The following BSG variants were observed in gnomAD, a reference collection of about 807,000 sequenced individuals.
BSG encodes the protein basigin.
A neutral mutation model predicts 43.1 loss-of-function variants in BSG; 37 were observed. The ratio of observed to expected loss-of-function variants is 0.86; its 90% CI spans 0.66 to 1.13. The LOEUF is 1.13. Among genes scored for constraint, BSG ranks in the 50% most tolerant of loss-of-function variants. BSG has a pLI of 0.00. For missense variants in BSG, 599 were observed against 554.2 expected (o/e 1.08, Z -0.81); for synonymous variants, 309 against 238.7 (o/e 1.29, Z -2.72).
intron 4 of BSG, 69 bp from the exon 5 acceptor site, chr19:580,577 C>T (rs1019925354): frequency 1.2e-6 from 2 of 1,606,980 alleles, no homozygotes; most frequent in East Asian, 2.2e-5. Context: ...GGGAACAGCC[C>T]TCCTGCGGGA....
chr19:580,576 C>A (rs1982200644), intron 4 of BSG, 70 bp from the exon 5 acceptor site: 1 of 1,606,768 alleles, frequency 6.2e-7, no homozygotes, highest in Non-Finnish European at 8.5e-7. Context: ...GGGGAACAGC[C>A]CTCCTGCGGG....
Position 580,677 on chromosome 19 carries a change from A to G in BSG, c.687A>G (p.Ser229=), listed in dbSNP as rs755018919. ...CCAGAGTGAAGGCTGTGAAGTCGTC[A>G]GAACACATCAACGAGGGGGAGACGG... The part of the protein sequence containing the change: ...GPPRVKAVKS[S]EHINEGETAM... Residue 229 remains serine (S), a synonymous_variant, in exon 5 of 9, where the codon TCA becomes TCG. Coordinates refer to ENST00000333511, the MANE Select transcript of BSG (RefSeq NM_001728.4). 1.9e-5 allele frequency: 31 copies of G among 1,612,750 alleles called. No homozygotes were observed. The Admixed American group carries it at 3.8e-4, about 20-fold the overall frequency.
At chr19:571,357 A>G, upstream of BSG, 1 of 601,514 alleles carries the variant, frequency 1.7e-6, no homozygotes, top group Non-Finnish European at 3.0e-6. Context: ...TTGCATTGCG[A>G]CTCCGAGTTT....
At chr19:581,633 G>A (rs3764937) in intron 6 of BSG, 42 bp downstream of exon 6, 178,527 of 1,526,232 alleles carry the variant, frequency 0.12, 14,543 homozygotes, top group African/African-American at 0.32. Context: ...TGCTCTCGGG[G>A]TGGCCCAGGG....
At chr19:574,753 C>G (rs1981615330) in intron 1 of BSG, among the ~76,000 whole-genome samples, 1 of 152,186 alleles carries the variant, frequency 6.6e-6, no homozygotes. Flanking sequence ...TGACCTACGT[C>G]TGAGATTTCG....
At chr19:580,104 G>A (rs1268051374) in intron 3 of BSG, 4 of 472,180 alleles carry the variant, frequency 8.5e-6, no homozygotes, top group East Asian at 3.9e-5. Context: ...CTGGGAAGAC[G>A]GTCACAGGGT....
rs1982181293 is a variant in BSG at position 580,396 on chromosome 19, A to G, written c.590A>G (p.Gln197Arg). 1 of 1,611,104 alleles carries G rather than the reference A, an allele frequency of 6.2e-7. No individual in the cohort carries two copies. The highest frequency in any genetic ancestry group is 1.1e-5 in the South Asian group (1 of 91,088). Residue 197 changes from glutamine (Q) to arginine (R), a missense_variant, in exon 4 of 9, where the codon CAG (glutamine) becomes CGG (arginine). By Grantham distance (43) the Gln-to-Arg change is conservative. Transcript: ENST00000333511. The stretch of plus-strand genomic sequence containing the variant: ...GGTTGCAGGGTGGACTCCGACGACC[A>G]GTGGGGAGAGTACTCCTGCGTCTTC... ...KTEFKVDSDD[Q>R]WGEYSCVFLP...
intron 6 of BSG, 78 bp downstream of exon 6, chr19:581,669 C>A: frequency 6.8e-7 from 1 of 1,460,428 alleles, no homozygotes. Flanking sequence ...CCCTGCCAGC[C>A]CCACCGCTGA....
At chr19:576,058 G>A (rs1399544590) in intron 1 of BSG, among the ~76,000 whole-genome samples, 3 of 152,254 alleles carry the variant, frequency 2.0e-5, no homozygotes, top group Non-Finnish European at 1.5e-5. Flanking sequence ...GATGCTGCCC[G>A]CTGAGAAGCT....
intron 1 of BSG, among the ~76,000 whole-genome samples, chr19:577,354 C>T (rs1432252104): frequency 6.6e-6 from 1 of 152,108 alleles, no homozygotes; most frequent in Non-Finnish European, 1.5e-5. Flanking sequence ...GGCCGCCTGC[C>T]CCTTTGGGCT....
Position 579,519 on chromosome 19 carries a change from C to A in BSG, c.435C>A (p.Thr145=), listed in dbSNP as rs55713331. 5.0e-6 allele frequency: 8 copies of A among 1,612,552 alleles called. No homozygotes were observed. Among genetic ancestry groups the A allele is most frequent in the Non-Finnish European group, 6.8e-6 (8 of 1,179,920 alleles). The change falls in exon 3 of 9, where the codon ACC becomes ACA. Residue 145 remains threonine (T), a synonymous_variant. Transcript: ENST00000333511. ...TTGCAGCCGGCACAGTCTTCACTAC[C>A]GTAGAAGACCTTGGCTCCAAGATAC... ...LVLEPGTVFT[T]VEDLGSKILL...
chr19:571,384 T>C (rs1981220726), upstream of BSG: 4 of 623,338 alleles, frequency 6.4e-6, no homozygotes, highest in South Asian at 7.3e-5. Flanking sequence ...CAACACACAC[T>C]TTCAACCTCC....
Position 581,515 on chromosome 19 carries a change from C to T in BSG, c.993C>T (p.Ile331=), listed in dbSNP as rs377557491. The T allele has an allele frequency of 5.6e-5, 89 of 1,596,546 alleles. No individual in the cohort carries two copies. The highest frequency in any genetic ancestry group is 3.4e-4 in the Middle Eastern group (2 of 5,868). Reference sequence around the variant, plus strand: ...CCGCCCTCTGGCCCTTCCTGGGCATCGTGGCTGAGGTGCTGGTGCTGGTCA... The same window carrying T: ...CCGCCCTCTGGCCCTTCCTGGGCATTGTGGCTGAGGTGCTGGTGCTGGTCA... ...HLAALWPFLG[I]VAEVLVLVTI... Residue 331 remains isoleucine, a synonymous_variant, in exon 6 of 9, where the codon ATC becomes ATT. Coordinates refer to ENST00000333511, the MANE Select transcript of BSG (RefSeq NM_001728.4).
Position 573,967 on chromosome 19 carries a change from T to C in BSG, c.67+1266T>C, listed in dbSNP as rs147511542. On this transcript the variant is annotated intron_variant, in intron 1 of 8. Coordinates refer to ENST00000333511, the MANE Select transcript of BSG (RefSeq NM_001728.4). Reference sequence around the variant, plus strand: ...CATTTGGTTCTGGGTTAAAGATTTATAGTGAGGCCGGGCGTGGTGGCTCAC... The same window carrying C: ...CATTTGGTTCTGGGTTAAAGATTTACAGTGAGGCCGGGCGTGGTGGCTCAC... Among the ~76,000 whole-genome samples, 17 of 152,310 alleles carry C rather than the reference T, an allele frequency of 1.1e-4. No individual in the cohort carries two copies. The East Asian group carries it at 3.1e-3, about 28-fold the overall frequency.
Position 579,980 on chromosome 19 carries a change from G to A in BSG, c.572+324G>A, listed in dbSNP as rs193000162. 68 of 430,910 alleles carry A rather than the reference G, an allele frequency of 1.6e-4. 1 individual carries two copies. In the Admixed American group the frequency reaches 2.3e-3, roughly 15 times the overall value. 26.7% of individuals were successfully genotyped at this position (430,910 alleles called of 1,614,324 possible). A position where few individuals can be genotyped will look rare whatever the true frequency, so the allele number is the denominator to read the frequency against. On this transcript the variant is annotated intron_variant, in intron 3 of 8. Transcript: ENST00000333511. ...GGCTCTGTGCTCCTGGCACAAGAGGGCACCACACTGAGGCATGCCCTGCTC... is the reference window on the plus strand; with the variant it reads ...GGCTCTGTGCTCCTGGCACAAGAGGACACCACACTGAGGCATGCCCTGCTC...
chr19:572,287 C>T, upstream of BSG: 3 of 671,072 alleles, frequency 4.5e-6, no homozygotes, highest in Non-Finnish European at 5.6e-6. Context: ...AACGCTTCAA[C>T]CCCCTCGGGC....
chr19:579,763 C>T, intron 3 of BSG, 107 bp downstream of exon 3: 1 of 1,466,508 alleles, frequency 6.8e-7, no homozygotes, highest in Non-Finnish European at 9.0e-7. Flanking sequence ...AGGCTTGATC[C>T]AGGCGGAAGT....
At chr19:578,196 G>A in intron 2 of BSG, 75 bp downstream of exon 2, 1 of 1,371,582 alleles carries the variant, frequency 7.3e-7, no homozygotes, top group Non-Finnish European at 9.7e-7. Context: ...CTCCTGCTCA[G>A]TAGAACCCAG....
intron 1 of BSG, among the ~76,000 whole-genome samples, chr19:577,095 G>A (rs943526840): frequency 5.9e-5 from 9 of 152,312 alleles, no homozygotes; most frequent in Admixed American, 1.3e-4. Context: ...CCTGGCAGGC[G>A]AGTGCTAGGC....
Sources: gnomAD v4.1 joint callset for allele counts (sites outside exome capture counted in the v4.1 genomes callset) on GRCh38, gnomAD v4.1.1 for gene constraint, MANE v1.5 for transcripts, NCBI Gene and HGNC (gene_info 2026-07-23, HGNC 2026-07-21) for gene names.